Variants in FBXO24 observed in about 807,000 individuals in gnomAD.
FBXO24 encodes F-box protein 24.
A neutral mutation model predicts 63.5 loss-of-function variants in FBXO24; 30 were observed. That is an observed-to-expected ratio of 0.47 (90% CI 0.35 to 0.64). The LOEUF is 0.64. FBXO24 is among the 30% of genes least tolerant of loss of function. FBXO24 has a pLI of 0.00. For missense variants in FBXO24, 624 were observed against 763.4 expected (o/e 0.82, Z 2.15); for synonymous variants, 300 against 305.0 (o/e 0.98, Z 0.17).
In FBXO24 at chr7:100,592,232, C is replaced by A. The variant is rs1469045339; in HGVS notation, c.558+330C>A. 1.4e-5 allele frequency: 4 copies of A among 280,794 alleles called. No homozygotes were observed. In the East Asian group the frequency reaches 3.7e-4, roughly 26 times the overall value. 17.4% of individuals were successfully genotyped at this position (280,794 alleles called of 1,614,324 possible). ...TGAGATCGCACCCTTGCACTCCAGCCTGGGCAACAAGAGGGAGACTCCGTC... is the reference window on the plus strand; with the variant it reads ...TGAGATCGCACCCTTGCACTCCAGCATGGGCAACAAGAGGGAGACTCCGTC... On this transcript the variant is annotated intron_variant, in intron 4 of 9. Transcript: ENST00000241071.
At chr7:100,595,744 T>A in intron 8 of FBXO24, 38 bp downstream of exon 8, 1 of 1,536,022 alleles carries the variant, frequency 6.5e-7, no homozygotes, top group Non-Finnish European at 8.8e-7. Flanking sequence ...CCCAACCCCT[T>A]TCCTCCAATT....
chr7:100,589,461 C>A, intron 1 of FBXO24: 1 of 1,261,832 alleles, frequency 7.9e-7, no homozygotes, highest in Non-Finnish European at 1.0e-6. Flanking sequence ...CATGTGATGG[C>A]TAGAACTGAG....
At position 100,592,848 on chromosome 7, in the gene FBXO24, G is replaced by A. The variant is rs762580834; in HGVS notation, c.624G>A (p.Glu208=). ...RKYLYVLATR[E]PQEVVGTTSS... ...ACCTCTACGTCTTGGCCACTCGGGA[G>A]CCGCAGGAAGTGGTGGGTACCACCA... Residue 208 remains glutamate, a synonymous_variant, in exon 5 of 10, where the codon GAG becomes GAA. Transcript: ENST00000241071. 1.2e-6 allele frequency: 2 copies of A among 1,614,222 alleles called. No homozygotes were observed. Among genetic ancestry groups the A allele is most frequent in the South Asian group, 2.2e-5 (2 of 91,086 alleles).
In FBXO24 at chr7:100,600,254, C is replaced by G; in HGVS notation, c.1377+53C>G. The stretch of plus-strand genomic sequence containing the variant: ...CCCAGGGAGGATGAGAGCCATGAAC[C>G]AGGAAGCCCACAGGCTGTAGCTGGG... On this transcript the variant is annotated intron_variant, in intron 9 of 9. Coordinates refer to ENST00000241071, the MANE Select transcript of FBXO24 (RefSeq NM_033506.3). The surrounding 1 kb of genome is among the most constrained non-coding windows in gnomAD (Gnocchi z 6.3). 1 of 1,465,986 alleles carries G rather than the reference C, an allele frequency of 6.8e-7. No homozygotes were observed. Among genetic ancestry groups the G allele is most frequent in the Non-Finnish European group, 9.1e-7 (1 of 1,104,486 alleles). 90.8% of individuals were successfully genotyped at this position (1,465,986 alleles called of 1,614,324 possible). A position where few individuals can be genotyped will look rare whatever the true frequency, so the allele number is the denominator to read the frequency against.
In FBXO24 at chr7:100,593,004, A is replaced by C; in HGVS notation, c.780A>C (p.Leu260=). The stretch of plus-strand genomic sequence containing the variant: ...TTGGTCAGGAGACCCAGCGGGCTCT[A>C]CTGCTCCTCACAGGTGTGGCCCAAA... ...VLVGQETQRA[L]LLLTEEGKIY... The change falls in exon 5 of 10, where the codon CTA becomes CTC. Residue 260 remains leucine, a synonymous_variant. Transcript: ENST00000241071. The C allele has an allele frequency of 6.2e-7, 1 of 1,613,842 alleles. No homozygotes were observed. Among genetic ancestry groups the C allele is most frequent in the Non-Finnish European group, 8.5e-7 (1 of 1,179,808 alleles).
In FBXO24 at chr7:100,586,530, G is replaced by A; in HGVS notation, c.-96G>A. 7.6e-7 allele frequency: 1 copy of A among 1,314,418 alleles called. No homozygotes were observed. The highest frequency in any genetic ancestry group is 1.1e-6 in the Non-Finnish European group (1 of 912,708). The allele number at this position is 1,314,418 out of a possible 1,614,324, so 81.4% of individuals were successfully genotyped here. A position where few individuals can be genotyped will look rare whatever the true frequency, so the allele number is the denominator to read the frequency against. ...TCCCCCAAAGACCAATCGTAAGCCA[G>A]ATACAGGCGAGTGACTGTCAAGAAG... On this transcript the variant is annotated 5_prime_UTR_variant, in exon 1 of 10. Coordinates refer to ENST00000241071, the MANE Select transcript of FBXO24 (RefSeq NM_033506.3).
In FBXO24 at chr7:100,601,050, A is replaced by C; in HGVS notation, c.*151A>C. On this transcript the variant is annotated 3_prime_UTR_variant, in exon 10 of 10. Transcript: ENST00000241071. ...GGTAAGAATGTTCAGGGGGCTGCCC[A>C]GGAGGGGCCCCCAACCTGACTATCA... 8.5e-7 allele frequency: 1 copy of C among 1,170,404 alleles called. No homozygotes were observed. Among genetic ancestry groups the C allele is most frequent in the Non-Finnish European group, 1.2e-6 (1 of 856,866 alleles). 72.5% of individuals were successfully genotyped at this position (1,170,404 alleles called of 1,614,324 possible).
Position 100,594,080 on chromosome 7 carries a change from C to T in FBXO24, c.794-303C>T, listed in dbSNP as rs1163848202. 1.3e-5 allele frequency among the ~76,000 whole-genome samples: 2 copies of T among 152,172 alleles called. No individual in the cohort carries two copies. The highest frequency in any genetic ancestry group is 2.9e-5 in the Non-Finnish European group (2 of 68,024). On this transcript the variant is annotated intron_variant, in intron 5 of 9. Coordinates refer to ENST00000241071, the MANE Select transcript of FBXO24 (RefSeq NM_033506.3). The surrounding 1 kb of genome is among the most constrained non-coding windows in gnomAD (Gnocchi z 4.2). Reference sequence around the variant, plus strand: ...GGGATTACAGGTGTGAGCCACCACACTTGACCACCTCTAAACTTCTGAATG... The same window carrying T: ...GGGATTACAGGTGTGAGCCACCACATTTGACCACCTCTAAACTTCTGAATG...
chr7:100,597,893 G>GT (rs556578958), intron 8 of FBXO24, among the ~76,000 whole-genome samples: 26,483 of 134,682 alleles, frequency 0.2, 2,812 homozygotes, highest in Non-Finnish European at 0.26. Context: ...TGTTTTTTTT[G>GT]TTTTTTTTTT....
intron 1 of FBXO24, chr7:100,589,527 G>A: frequency 7.2e-7 from 1 of 1,394,340 alleles, no homozygotes; most frequent in Non-Finnish European, 9.3e-7. Context: ...AAGGGAACAG[G>A]TCACAGTGGC....
chr7:100,598,601 C>T (rs879778563), intron 8 of FBXO24, among the ~76,000 whole-genome samples: 34 of 152,106 alleles, frequency 2.2e-4, no homozygotes, highest in Admixed American at 7.9e-4. Context: ...GAGAGAGAGG[C>T]AGGAAGCGGC....
At chr7:100,598,902 T>A (rs112888745) in intron 8 of FBXO24, among the ~76,000 whole-genome samples, 1 of 150,628 alleles carries the variant, frequency 6.6e-6, no homozygotes, top group African/African-American at 2.4e-5. Flanking sequence ...TTGCTTGAAC[T>A]GGAGAGGCGG....
At chr7:100,590,688 G>C (rs1205483952) in intron 3 of FBXO24, among the ~76,000 whole-genome samples, 1 of 152,104 alleles carries the variant, frequency 6.6e-6, no homozygotes, top group Admixed American at 6.6e-5. Flanking sequence ...TGATATTCTG[G>C]GCAAAATAAT....
chr7:100,587,201 C>T (rs906214936), intron 1 of FBXO24, among the ~76,000 whole-genome samples: 1 of 152,232 alleles, frequency 6.6e-6, no homozygotes, highest in Non-Finnish European at 1.5e-5. Context: ...CTGGATCCTC[C>T]ACGCACAGCC....
At chr7:100,593,049 GT>G (rs1355219894) in intron 5 of FBXO24, 32 bp downstream of exon 5, 1 of 1,586,110 alleles carries the variant, frequency 6.3e-7, no homozygotes, top group South Asian at 1.1e-5. Context: ...TTTGCAAACT[GT>G]TTCCTGCAGA....
At chr7:100,595,883 C>A (rs557091940) in intron 8 of FBXO24, among the ~76,000 whole-genome samples, 177 bp downstream of exon 8, 107 of 152,266 alleles carry the variant, frequency 7.0e-4, no homozygotes, top group Non-Finnish European at 1.4e-3. Context: ...GTTGGCACTA[C>A]GAGGTCCATT....
At chr7:100,599,492 T>C (rs1240364765) in intron 8 of FBXO24, among the ~76,000 whole-genome samples, 1 of 151,446 alleles carries the variant, frequency 6.6e-6, no homozygotes, top group Non-Finnish European at 1.5e-5. Flanking sequence ...GAGAATCACT[T>C]GAACCCAGGA....
At position 100,591,778 on chromosome 7, in the gene FBXO24, ACGT is replaced by A; in HGVS notation, c.436_438del (p.Val146del). 1 of 1,614,210 alleles carries A rather than the reference ACGT, an allele frequency of 6.2e-7. No individual in the cohort carries two copies. Among genetic ancestry groups the A allele is most frequent in the Non-Finnish European group, 8.5e-7 (1 of 1,180,040 alleles). On this transcript the variant is annotated inframe_deletion, in exon 4 of 10. Coordinates refer to ENST00000241071, the MANE Select transcript of FBXO24 (RefSeq NM_033506.3). ...CGCCGCTTCTTGCCCACCAAGGATC[ACGT>A]CTTCATTCTTGACTACGTGGGGACC... is the stretch of plus-strand genomic sequence containing the variant.
In FBXO24 at chr7:100,591,983, G is replaced by A. The variant is rs1032711736; in HGVS notation, c.558+81G>A. 118 of 1,387,256 alleles carry A rather than the reference G, an allele frequency of 8.5e-5. 1 individual carries two copies. Among genetic ancestry groups the A allele is most frequent in the African/African-American group, 2.3e-4 (16 of 70,562 alleles). The allele number at this position is 1,387,256 out of a possible 1,614,324, so 85.9% of individuals were successfully genotyped here. A position where few individuals can be genotyped will look rare whatever the true frequency, so the allele number is the denominator to read the frequency against. The stretch of plus-strand genomic sequence containing the variant: ...CTGCTATAAAGACGTACCAGAGGCC[G>A]GGTGCAGTGGCTTACACCTGTAATC... On this transcript the variant is annotated intron_variant, in intron 4 of 9. Coordinates refer to ENST00000241071, the MANE Select transcript of FBXO24 (RefSeq NM_033506.3).
Sources: gnomAD v4.1 joint callset for allele counts (sites outside exome capture counted in the v4.1 genomes callset) on GRCh38, gnomAD v4.1.1 for gene constraint, Gnocchi (gnomAD v3.1) non-coding constraint, MANE v1.5 for transcripts, NCBI Gene and HGNC (gene_info 2026-07-23, HGNC 2026-07-21) for gene names.